ZMAT4: variants seen among roughly 807,000 people sequenced by gnomAD.
The protein encoded by ZMAT4 is zinc finger matrin-type 4.
ZMAT4 carries 17 observed loss-of-function variants against 28.7 expected under a neutral mutation model. The ratio of observed to expected loss-of-function variants is 0.59; its 90% CI spans 0.41 to 0.89. The LOEUF (loss-of-function observed/expected upper bound fraction) is 0.89, where lower values mean the gene tolerates loss of function less well. Ranked by LOEUF, ZMAT4 falls within the 40% of genes least tolerant of loss-of-function variation. The pLI is 0.00. For missense variants in ZMAT4, 240 were observed against 283.8 expected (o/e 0.85, Z 1.11); for synonymous variants, 117 against 109.2 (o/e 1.07, Z -0.44).
chr8:40,807,305 G>A (rs2150592724), intron 2 of ZMAT4, among the ~76,000 whole-genome samples: 1 of 152,170 alleles, frequency 6.6e-6, no homozygotes, highest in African/African-American at 2.4e-5. Flanking sequence ...AGCCGGGCAT[G>A]GTGGTGGAAG....
At chr8:40,851,201 G>C (rs1324220495) in intron 1 of ZMAT4, among the ~76,000 whole-genome samples, 1 of 152,090 alleles carries the variant, frequency 6.6e-6, no homozygotes, top group Non-Finnish European at 1.5e-5. Flanking sequence ...GTGGCACATT[G>C]CCCGTAATCC....
chr8:40,554,539 TTCTG>T (rs1181719633), intron 6 of ZMAT4, among the ~76,000 whole-genome samples: 24 of 152,146 alleles, frequency 1.6e-4, no homozygotes, highest in Non-Finnish European at 7.4e-5. Flanking sequence ...AAAAATGTCA[TTCTG>T]TCTCATACCA....
intron 3 of ZMAT4, among the ~76,000 whole-genome samples, chr8:40,731,625 T>A (rs1394003363): frequency 2.0e-5 from 3 of 152,154 alleles, no homozygotes; most frequent in African/African-American, 7.2e-5. Context: ...AAACTGCCCC[T>A]GAAGAGCACC....
intron 1 of ZMAT4, among the ~76,000 whole-genome samples, chr8:40,883,250 G>A (rs1336287013): frequency 1.3e-5 from 2 of 152,172 alleles, no homozygotes; most frequent in African/African-American, 4.8e-5. Context: ...ACCTTGGACG[G>A]TTCTCTTTTC....
intron 4 of ZMAT4, among the ~76,000 whole-genome samples, chr8:40,676,125 G>T (rs1808896852): frequency 6.6e-6 from 1 of 152,166 alleles, no homozygotes; most frequent in Non-Finnish European, 1.5e-5. Context: ...TCAGATGAGA[G>T]ATTGATTTCA....
At chr8:40,700,411 C>T (rs13268806) in intron 3 of ZMAT4, among the ~76,000 whole-genome samples, 90,299 of 97,770 alleles carry the variant, frequency 0.92, 41,961 homozygotes, top group Middle Eastern at 0.97. Context: ...TGCTGCTTTT[C>T]TTTTTTTTTT....
chr8:40,603,553 G>A (rs746978479), intron 5 of ZMAT4, among the ~76,000 whole-genome samples: 37 of 152,116 alleles, frequency 2.4e-4, no homozygotes, highest in Admixed American at 3.9e-4. Context: ...CTACCTATTC[G>A]TGAGCATGGG....
At chr8:40,682,512 G>A (rs1809219716) in intron 4 of ZMAT4, among the ~76,000 whole-genome samples, 1 of 152,146 alleles carries the variant, frequency 6.6e-6, no homozygotes, top group Non-Finnish European at 1.5e-5. Flanking sequence ...GATATGTCTG[G>A]ATGCGAATTC....
chr8:40,782,993 G>C (rs1241578718), intron 2 of ZMAT4, among the ~76,000 whole-genome samples: 1 of 152,204 alleles, frequency 6.6e-6, no homozygotes, highest in African/African-American at 2.4e-5. Flanking sequence ...GGCCAGTTTG[G>C]CAAACAGTTT....
rs1022596925 is a variant in ZMAT4 at position 40,811,492 on chromosome 8, G to A, written c.102+14083C>T. Among the ~76,000 whole-genome samples, 22 of 152,154 alleles carry A rather than the reference G, an allele frequency of 1.4e-4. 2 individuals are homozygous for A. Among genetic ancestry groups the A allele is most frequent in the Non-Finnish European group, 1.5e-5 (1 of 68,040 alleles). On this transcript the variant is annotated intron_variant, in intron 2 of 6. Transcript: ENST00000297737. The stretch of plus-strand genomic sequence containing the variant: ...CAATCAGGAGGCATTCACAAGACTG[G>A]GGTAATCGGAAGCCAACGTAGTGGA...
At chr8:40,663,002 A>G (rs555220803) in intron 5 of ZMAT4, among the ~76,000 whole-genome samples, 56 of 152,134 alleles carry the variant, frequency 3.7e-4, no homozygotes, top group Non-Finnish European at 7.5e-4. Flanking sequence ...CCTCATTCCA[A>G]TGATCACATC....
intron 5 of ZMAT4, among the ~76,000 whole-genome samples, chr8:40,659,370 A>T (rs1808084595): frequency 6.6e-6 from 1 of 152,128 alleles, no homozygotes; most frequent in South Asian, 2.1e-4. Context: ...AGTTCCTCAT[A>T]TGTTGTTTTG....
chr8:40,652,543 G>T (rs1469419139), intron 5 of ZMAT4, among the ~76,000 whole-genome samples: 2 of 60,286 alleles, frequency 3.3e-5, no homozygotes, highest in Non-Finnish European at 7.7e-5. Flanking sequence ...CACGGATCTA[G>T]AACTGGAAAT....
chr8:40,623,791 C>A (rs1806281307), intron 5 of ZMAT4, among the ~76,000 whole-genome samples: 1 of 152,182 alleles, frequency 6.6e-6, no homozygotes, highest in Non-Finnish European at 1.5e-5. Flanking sequence ...TAAAGGATCC[C>A]TTCCTTCTCC....
intron 1 of ZMAT4, among the ~76,000 whole-genome samples, chr8:40,855,386 G>C (rs917228724): frequency 6.6e-6 from 1 of 152,008 alleles, no homozygotes; most frequent in Non-Finnish European, 1.5e-5. Flanking sequence ...CTGTTGCTAG[G>C]CTCAGATGAT....
chr8:40,708,070 C>T (rs2150504932), intron 3 of ZMAT4, among the ~76,000 whole-genome samples: 1 of 152,272 alleles, frequency 6.6e-6, no homozygotes, highest in South Asian at 2.1e-4. Flanking sequence ...AACTAGGTGA[C>T]ATGGTTGTTC....
intron 2 of ZMAT4, among the ~76,000 whole-genome samples, chr8:40,821,277 G>GT (rs77539632): frequency 7.2e-5 from 11 of 151,880 alleles, no homozygotes; most frequent in East Asian, 3.9e-4. Context: ...CTGGGAAACT[G>GT]TTTTTTTACC....
rs199859817 is a variant in ZMAT4, at chr8:40,587,114, G to GAA, written c.578-5855_578-5854dup. Reference sequence around the variant, plus strand: ...GCTCAAGGAACAAAAAGTGATAAAAGAAAAAAAAAAAAGGAAAAACAAACA... The same window carrying GAA: ...GCTCAAGGAACAAAAAGTGATAAAAGAAAAAAAAAAAAAAGGAAAAACAAACA... On this transcript the variant is annotated intron_variant, in intron 5 of 6. Transcript: ENST00000297737. Among the ~76,000 whole-genome samples, 16 of 118,426 alleles carry GAA rather than the reference G, an allele frequency of 1.4e-4. No individual in the cohort carries two copies. In the East Asian group the frequency reaches 1.5e-3, roughly 11 times the overall value. The allele number at this position is 118,426 out of a possible 152,430, so 77.7% of individuals were successfully genotyped here.
intron 3 of ZMAT4, among the ~76,000 whole-genome samples, chr8:40,740,128 A>G (rs946706579): frequency 2.0e-5 from 3 of 152,228 alleles, no homozygotes; most frequent in African/African-American, 7.2e-5. Context: ...TCTTTAGAGT[A>G]GAATGATTTA....
Sources: allele counts gnomAD v4.1 joint callset (sites outside exome capture counted in the v4.1 genomes callset), GRCh38; gene constraint gnomAD v4.1.1; transcripts MANE v1.5; gene names NCBI Gene and HGNC (gene_info 2026-07-23, HGNC 2026-07-21).